The following GLYATL3 variants were observed in gnomAD, a reference collection of about 807,000 sequenced individuals.
GLYATL3 encodes glycine N-acyltransferase-like protein 3.
GLYATL3 carries 31 observed loss-of-function variants against 28.5 expected under a neutral mutation model. That is an observed-to-expected ratio of 1.09 (90% CI 0.82 to 1.47). GLYATL3 has a LOEUF of 1.47. Among genes scored for constraint, GLYATL3 ranks in the 40% most tolerant of loss-of-function variants. GLYATL3 has a pLI of 0.00. For synonymous variants in GLYATL3, 141 were observed against 140.2 expected, an observed-to-expected ratio of 1.01 and a Z score of -0.04; for missense variants, 369 against 351.5, an observed-to-expected ratio of 1.05 and a Z score of -0.40.
At chr6:49,526,453 G>A in intron 5 of GLYATL3, 35 bp from the exon 6 acceptor site, 1 of 1,521,674 alleles carries the variant, frequency 6.6e-7, no homozygotes, top group South Asian at 1.2e-5. Context: ...ACATGAGTCT[G>A]AGGTCCTATT....
intron 4 of GLYATL3, among the ~76,000 whole-genome samples, chr6:49,517,876 AT>A (rs1482886179): frequency 2.6e-5 from 4 of 152,088 alleles, no homozygotes; most frequent in Admixed American, 6.6e-5. Context: ...ATCAGAGAAT[AT>A]TTTTCCTTAT....
At chr6:49,516,757 G>C (rs1769221870) in intron 3 of GLYATL3, among the ~76,000 whole-genome samples, 1 of 151,948 alleles carries the variant, frequency 6.6e-6, no homozygotes, top group Non-Finnish European at 1.5e-5. Context: ...TTTCACCACT[G>C]CACTCCAGCC....
intron 5 of GLYATL3, among the ~76,000 whole-genome samples, chr6:49,525,093 A>ATTTTTTTTTTTTTT (rs10630585): frequency 1.4e-5 from 2 of 141,354 alleles, no homozygotes. Flanking sequence ...ATTCTAAAAC[A>ATTTTTTTTTTTTTT]TTTTTTTTTT....
intron 5 of GLYATL3, among the ~76,000 whole-genome samples, chr6:49,525,124 T>G (rs1055720414): frequency 1.4e-5 from 2 of 146,384 alleles, no homozygotes; most frequent in African/African-American, 5.1e-5. Flanking sequence ...AGCAAAAGAT[T>G]AGGGCTTCAA....
chr6:49,517,472 G>A lies in GLYATL3; in HGVS notation c.229G>A (p.Val77Met), dbSNP rs950044046. ...TGATCATTATACTAATGCCTATGCTGTGTTCTACAAGGATGTCAGGGCTTA... is the reference window on the plus strand; with the variant it reads ...TGATCATTATACTAATGCCTATGCTATGTTCTACAAGGATGTCAGGGCTTA... ...NLDHYTNAYA[V>M]FYKDVRAYRQ... The change falls in exon 4 of 6, where the codon GTG becomes ATG. Residue 77 changes from valine to methionine, a missense_variant. Transcript: ENST00000371197. The A allele has an allele frequency of 5.2e-6, 8 of 1,549,506 alleles. No individual in the cohort carries two copies. The highest frequency in any genetic ancestry group is 7.0e-6 in the Non-Finnish European group (8 of 1,145,506).
Position 49,506,962 on chromosome 6 carries a change from G to A in GLYATL3, c.-28-5001G>A, listed in dbSNP as rs184874808. Among the ~76,000 whole-genome samples the A allele has an allele frequency of 5.9e-3, 905 of 152,176 alleles. 5 individuals are homozygous for A. Among genetic ancestry groups the A allele is most frequent in the African/African-American group, 0.018 (767 of 41,530 alleles). ...CTTAGAATAGGGGAGAGGTCCAAAAGGATGATGGGAATGAGAAACATGCCA... is the reference window on the plus strand; with the variant it reads ...CTTAGAATAGGGGAGAGGTCCAAAAAGATGATGGGAATGAGAAACATGCCA... On this transcript the variant is annotated intron_variant, in intron 1 of 5. Coordinates refer to ENST00000371197, the MANE Select transcript of GLYATL3 (RefSeq NM_001010904.2).
chr6:49,525,661 A>G (rs574204371), intron 5 of GLYATL3, among the ~76,000 whole-genome samples: 2 of 151,700 alleles, frequency 1.3e-5, no homozygotes, highest in Non-Finnish European at 2.9e-5. Flanking sequence ...TGAGAAGTTC[A>G]GAGTTATACC....
intron 4 of GLYATL3, among the ~76,000 whole-genome samples, chr6:49,520,683 G>T (rs747658738): frequency 2.0e-5 from 3 of 152,226 alleles, no homozygotes; most frequent in East Asian, 1.9e-4. Context: ...GATTTGGAAA[G>T]GTGGAGAAAG....
Position 49,504,016 on chromosome 6 carries a change from C to T in GLYATL3, c.-29+3974C>T, listed in dbSNP as rs181983221. Among the ~76,000 whole-genome samples, 1,291 of 152,200 alleles carry T rather than the reference C, an allele frequency of 8.5e-3. 8 individuals carry two copies. The highest frequency in any genetic ancestry group is 0.013 in the Non-Finnish European group (856 of 68,000). ...AGACCTCGATAGGAGCGTCCATCCA[C>T]GTCATGGCTCGAATAAGAAGAAGAA... On this transcript the variant is annotated intron_variant, in intron 1 of 5. Coordinates refer to ENST00000371197, the MANE Select transcript of GLYATL3 (RefSeq NM_001010904.2).
At chr6:49,504,350 G>A (rs1768971511) in intron 1 of GLYATL3, among the ~76,000 whole-genome samples, 1 of 150,624 alleles carries the variant, frequency 6.6e-6, no homozygotes, top group Admixed American at 6.7e-5. Context: ...AATTTCAGGT[G>A]TCTAGCAGGA....
intron 4 of GLYATL3, among the ~76,000 whole-genome samples, chr6:49,519,208 T>C (rs1291692180): frequency 6.6e-6 from 1 of 152,192 alleles, no homozygotes; most frequent in Admixed American, 6.5e-5. Context: ...CTAAATCACC[T>C]CAATCCATCA....
At chr6:49,519,412 T>G (rs2061973) in intron 4 of GLYATL3, among the ~76,000 whole-genome samples, 2 of 151,940 alleles carry the variant, frequency 1.3e-5, no homozygotes, top group African/African-American at 4.8e-5. Flanking sequence ...GCCTGGACAT[T>G]ACCTTCGGCT....
Position 49,527,012 on chromosome 6 carries a change from C to A in GLYATL3, c.*98C>A. Reference sequence around the variant, plus strand: ...GAGTTAAAATGGGAATCAGGGGACTCTTGAGTTGTTGGAAAGGGTCTGGAG... The same window carrying A: ...GAGTTAAAATGGGAATCAGGGGACTATTGAGTTGTTGGAAAGGGTCTGGAG... On this transcript the variant is annotated 3_prime_UTR_variant, in exon 6 of 6. Transcript: ENST00000371197. 1.1e-6 allele frequency: 1 copy of A among 918,410 alleles called. No homozygotes were observed. The highest frequency in any genetic ancestry group is 1.6e-6 in the Non-Finnish European group (1 of 626,372). The allele number at this position is 918,410 out of a possible 1,614,324, so 56.9% of individuals were successfully genotyped here.
intron 1 of GLYATL3, among the ~76,000 whole-genome samples, chr6:49,505,003 G>A (rs1396261081): frequency 6.6e-6 from 1 of 152,096 alleles, no homozygotes; most frequent in Non-Finnish European, 1.5e-5. Flanking sequence ...AGATTGTGTG[G>A]TTAAGACAAG....
At position 49,515,733 on chromosome 6, in the gene GLYATL3, A is replaced by G. The variant is rs1769203013; in HGVS notation, c.159A>G (p.Lys53=). ...EVVLDSWPDF[K]AVITRRQREA... ...TGTTGGATTCATGGCCGGATTTCAA[A>G]GCTGTTATCACCCGACGACAAAGAG... is the stretch of plus-strand genomic sequence containing the variant. Residue 53 remains lysine (K), a synonymous_variant, in exon 3 of 6, where the codon AAA becomes AAG. Transcript: ENST00000371197. 2 of 1,549,454 alleles carry G rather than the reference A, an allele frequency of 1.3e-6. No individual in the cohort carries two copies. The highest frequency in any genetic ancestry group is 2.4e-5 in the South Asian group (2 of 84,020).
chr6:49,501,993 G>T (rs140605214), intron 1 of GLYATL3, among the ~76,000 whole-genome samples: 1 of 152,176 alleles, frequency 6.6e-6, no homozygotes, highest in African/African-American at 2.4e-5. Flanking sequence ...AGCACATCAC[G>T]TGCTATTGGT....
chr6:49,527,774 T>G lies in GLYATL3; in HGVS notation c.*860T>G, dbSNP rs971962837. Among the ~76,000 whole-genome samples, 2 of 152,196 alleles carry G rather than the reference T, an allele frequency of 1.3e-5. No individual in the cohort carries two copies. The highest frequency in any genetic ancestry group is 4.8e-5 in the African/African-American group (2 of 41,444). On this transcript the variant is annotated 3_prime_UTR_variant, in exon 6 of 6. Transcript: ENST00000371197. ...TTATATATAGGGGTGTTTGGGGGTA[T>G]GCAAATGAATATATAACATATATGC...
At chr6:49,503,144 A>G (rs1768944171) in intron 1 of GLYATL3, among the ~76,000 whole-genome samples, 2 of 149,860 alleles carry the variant, frequency 1.3e-5, no homozygotes, top group South Asian at 4.3e-4. Context: ...AGGTTGTATG[A>G]GAGGTGGTGT....
chr6:49,517,157 T>A (rs1157123126), intron 3 of GLYATL3, among the ~76,000 whole-genome samples: 12 of 134,536 alleles, frequency 8.9e-5, no homozygotes, highest in South Asian at 2.5e-4. Flanking sequence ...AGACTCTGTC[T>A]AAAAAAAAAA....
Sources: gnomAD v4.1 joint callset for allele counts (sites outside exome capture counted in the v4.1 genomes callset) on GRCh38, gnomAD v4.1.1 for gene constraint, MANE v1.5 for transcripts, NCBI Gene and HGNC (gene_info 2026-07-23, HGNC 2026-07-21) for gene names.